Variants in CSNK1D observed in about 807,000 individuals in gnomAD.
CSNK1D encodes casein kinase I isoform delta.
CSNK1D carries 16 observed loss-of-function variants against 46.6 expected under a neutral mutation model. The observed-to-expected ratio is 0.34, with a 90% CI of 0.23 to 0.52. The LOEUF is 0.52. Among genes scored for constraint, CSNK1D ranks in the 20% least tolerant of loss-of-function variants. The pLI is 0.95. For missense variants in CSNK1D, 398 were observed against 578.4 expected (o/e 0.69, Z 3.20); for synonymous variants, 276 against 228.2 (o/e 1.21, Z -1.89).
rs1201864237 is a variant in CSNK1D at position 82,273,131 on chromosome 17, C to T, written c.76+175G>A. ...CCCCACGTCCGCTCCCCACTGCCCT[C>T]CCCACCCCTGGCCGCGCTAGCCTAG... On this transcript the variant is annotated intron_variant, in intron 1 of 8. Transcript: ENST00000314028. This position sits in a 1 kb window ranked among gnomAD's most constrained non-coding sequence, Gnocchi z 5.1. 1.6e-6 allele frequency: 1 copy of T among 617,552 alleles called. No homozygotes were observed. Among genetic ancestry groups the T allele is most frequent in the East Asian group, 3.1e-5 (1 of 32,690 alleles). 38.3% of individuals were successfully genotyped at this position (617,552 alleles called of 1,614,324 possible).
At chr17:82,257,653 G>A (rs979202957) in intron 2 of CSNK1D, among the ~76,000 whole-genome samples, 6 of 151,866 alleles carry the variant, frequency 4.0e-5, no homozygotes, top group African/African-American at 1.2e-4. Flanking sequence ...GTGAGAGGGC[G>A]CCCTGGGCTG....
At chr17:82,239,672 G>C (rs1306788055), downstream of CSNK1D, 3 of 324,902 alleles carry the variant, frequency 9.2e-6, no homozygotes, top group Non-Finnish European at 1.7e-5. Context: ...CGCTGTGCCA[G>C]GGTGGCCTCT....
intron 2 of CSNK1D, chr17:82,261,266 C>T (rs2051332739): frequency 6.5e-6 from 1 of 152,996 alleles, no homozygotes; most frequent in African/African-American, 2.4e-5. Context: ...CCAAGGCTGC[C>T]TGCGCCCAAG....
At position 82,273,584 on chromosome 17, in the gene CSNK1D, G is replaced by A. The variant is rs953861643; in HGVS notation, c.-203C>T. 4.9e-6 allele frequency: 3 copies of A among 613,762 alleles called. No homozygotes were observed. The highest frequency in any genetic ancestry group is 4.1e-5 in the South Asian group (2 of 48,558). The allele number at this position is 613,762 out of a possible 1,614,324, so 38.0% of individuals were successfully genotyped here. ...CGGATGGGACAGTCCGAGCGCCGCC[G>A]CCGCTGCTCCGGCCCCTACCGGTCC... On this transcript the variant is annotated 5_prime_UTR_variant, in exon 1 of 9. Coordinates refer to ENST00000314028, the MANE Select transcript of CSNK1D (RefSeq NM_001893.6). This position sits in a 1 kb window ranked among gnomAD's most constrained non-coding sequence, Gnocchi z 5.1.
Position 82,252,350 on chromosome 17 carries a change from C to A in CSNK1D, c.736+84G>T, listed in dbSNP as rs1486012862. ...AAGGTGAGCAACTCTTCTGACAAAACCCAGACTGAGCCGTCTCGGCACACC... is the reference window on the plus strand; with the variant it reads ...AAGGTGAGCAACTCTTCTGACAAAAACCAGACTGAGCCGTCTCGGCACACC... On this transcript the variant is annotated intron_variant, in intron 5 of 8. Transcript: ENST00000314028. The surrounding 1 kb of genome is among the most constrained non-coding windows in gnomAD (Gnocchi z 4.6). 2.6e-6 allele frequency: 4 copies of A among 1,532,062 alleles called. No homozygotes were observed. Among genetic ancestry groups the A allele is most frequent in the Non-Finnish European group, 3.6e-6 (4 of 1,107,356 alleles). 94.9% of individuals were successfully genotyped at this position (1,532,062 alleles called of 1,614,324 possible). A position where few individuals can be genotyped will look rare whatever the true frequency, so the allele number is the denominator to read the frequency against.
rs985375893 is a variant in CSNK1D, at chr17:82,255,161, C to T, written c.336+268G>A. ...TCCAGAAGCCAGTGAGCTGGGCCGC[C>T]GGAGCCTCGAGAAGCCAGTGAGCTG... is the stretch of plus-strand genomic sequence containing the variant. On this transcript the variant is annotated intron_variant, in intron 3 of 8. Coordinates refer to ENST00000314028, the MANE Select transcript of CSNK1D (RefSeq NM_001893.6). The surrounding 1 kb of genome is among the most constrained non-coding windows in gnomAD (Gnocchi z 5.9). 36 of 476,952 alleles carry T rather than the reference C, an allele frequency of 7.5e-5. No individual in the cohort carries two copies. Among genetic ancestry groups the T allele is most frequent in the East Asian group, 8.6e-5 (2 of 23,234 alleles). The allele number at this position is 476,952 out of a possible 1,614,324, so 29.5% of individuals were successfully genotyped here. A position where few individuals can be genotyped will look rare whatever the true frequency, so the allele number is the denominator to read the frequency against.
chr17:82,246,527 G>C (rs1300879879), intron 8 of CSNK1D: 62 of 1,068,914 alleles, frequency 5.8e-5, no homozygotes, highest in Non-Finnish European at 6.8e-5. Context: ...TCAGCAACTA[G>C]ATGGCCTTTA....
At chr17:82,242,135 G>A (rs891210625), downstream of CSNK1D, among the ~76,000 whole-genome samples, 1 of 151,888 alleles carries the variant, frequency 6.6e-6, no homozygotes, top group Admixed American at 6.6e-5. Context: ...CACAGGTTAG[G>A]AGTTGGTGCA....
rs1431999673 is a variant in CSNK1D, at chr17:82,244,703, C to T, written c.*78G>A. ...AACATTTCGATCCTAGACCGGGGGA[C>T]GTGTCACTAGTAAAGCCATTGGTAA... On this transcript the variant is annotated 3_prime_UTR_variant, in exon 9 of 9. Coordinates refer to ENST00000314028, the MANE Select transcript of CSNK1D (RefSeq NM_001893.6). The T allele has an allele frequency of 6.8e-6, 11 of 1,609,940 alleles. No individual in the cohort carries two copies. Among genetic ancestry groups the T allele is most frequent in the African/African-American group, 1.3e-5 (1 of 75,024 alleles).
At chr17:82,239,712 G>A, downstream of CSNK1D, 1 of 369,198 alleles carries the variant, frequency 2.7e-6, no homozygotes, top group Non-Finnish European at 4.8e-6. Flanking sequence ...CTACGTGGTG[G>A]TTAGATGGGA....
intron 1 of CSNK1D, among the ~76,000 whole-genome samples, chr17:82,270,350 G>A (rs1295748021): frequency 6.6e-6 from 1 of 152,060 alleles, no homozygotes; most frequent in African/African-American, 2.4e-5. Flanking sequence ...CCCCCTTCCT[G>A]GTCTCAAACA....
intron 2 of CSNK1D, among the ~76,000 whole-genome samples, chr17:82,261,368 CTT>C (rs1416709157): frequency 6.6e-6 from 1 of 152,140 alleles, no homozygotes; most frequent in Non-Finnish European, 1.5e-5. Flanking sequence ...AGTCTCAACA[CTT>C]TTCCCTCATG....
intron 8 of CSNK1D, chr17:82,246,464 G>A (rs974203880): frequency 4.4e-6 from 5 of 1,127,104 alleles, no homozygotes; most frequent in African/African-American, 3.2e-5. Context: ...GCGAGTCATC[G>A]ACTGTTGGAA....
At chr17:82,271,884 A>C (rs932550799) in intron 1 of CSNK1D, among the ~76,000 whole-genome samples, 1 of 152,202 alleles carries the variant, frequency 6.6e-6, no homozygotes, top group Admixed American at 6.5e-5. Flanking sequence ...GCCCCAGTTA[A>C]AACACACCCC....
downstream of CSNK1D, chr17:82,240,033 C>G: frequency 1.1e-5 from 13 of 1,233,816 alleles, no homozygotes; most frequent in Non-Finnish European, 1.2e-5. Context: ...GGGCCGCGTG[C>G]AGCCGGAGAG....
rs527918287 is a variant in CSNK1D, at chr17:82,259,485, T to C, written c.188-3908A>G. On this transcript the variant is annotated intron_variant, in intron 2 of 8. Transcript: ENST00000314028. ...TGCACTGCAGGGGGGAATGGAAATC[T>C]ACATAACCACCTTGGAAAAATCGAT... Among the ~76,000 whole-genome samples, 28 of 152,358 alleles carry C rather than the reference T, an allele frequency of 1.8e-4. 1 individual carries two copies. The South Asian group carries it at 5.4e-3, about 29-fold the overall frequency.
intron 2 of CSNK1D, among the ~76,000 whole-genome samples, chr17:82,258,590 C>T (rs1287722040): frequency 6.6e-6 from 1 of 152,162 alleles, no homozygotes; most frequent in East Asian, 1.9e-4. Context: ...CCTTTCTCCA[C>T]TCCAATGAGT....
At chr17:82,239,921 C>T (rs776467747), downstream of CSNK1D, 8 of 1,089,024 alleles carry the variant, frequency 7.3e-6, no homozygotes, top group African/African-American at 4.9e-5. Context: ...CACCTGCCCT[C>T]GTGGCCAGCA....
At chr17:82,246,019 G>A (rs1268800304) in intron 8 of CSNK1D, 2 of 1,610,260 alleles carry the variant, frequency 1.2e-6, no homozygotes, top group African/African-American at 2.7e-5. Flanking sequence ...ACTTGCCGTG[G>A]TGTTCGAAAG....
Sources: gnomAD v4.1 joint callset for allele counts (sites outside exome capture counted in the v4.1 genomes callset) on GRCh38, gnomAD v4.1.1 for gene constraint, Gnocchi (gnomAD v3.1) non-coding constraint, MANE v1.5 for transcripts, NCBI Gene and HGNC (gene_info 2026-07-23, HGNC 2026-07-21) for gene names.